ADGRB3: variants seen among roughly 807,000 people sequenced by gnomAD.
The protein encoded by ADGRB3 is adhesion G protein-coupled receptor B3.
In ADGRB3, 37 loss-of-function variants were observed where a neutral mutation model predicts 193.4. The observed-to-expected ratio is 0.19, with a 90% CI of 0.15 to 0.25. ADGRB3 has a LOEUF of 0.25. Ranked by LOEUF, ADGRB3 falls within the 10% of genes least tolerant of loss-of-function variation. The pLI, the probability that ADGRB3 is intolerant of heterozygous loss-of-function variation, is 1.00. For missense variants in ADGRB3, 1,637 were observed against 1,852.9 expected, an observed-to-expected ratio of 0.88 and a Z score of 2.14; for synonymous variants, 690 against 644.2, an observed-to-expected ratio of 1.07 and a Z score of -1.08.
rs1250400781 is a variant in ADGRB3, at chr6:69,288,033, CA to C, written c.2815-36838del. Among the ~76,000 whole-genome samples the C allele has an allele frequency of 9.2e-5, 14 of 151,872 alleles. 1 individual carries two copies. Among genetic ancestry groups the C allele is most frequent in the Admixed American group, 2.6e-4 (4 of 15,238 alleles). The stretch of plus-strand genomic sequence containing the variant: ...CATGCAGTAGCAATAAAACTTGTTT[CA>C]TTTTTTTTTTGACACTAATTTTTTT... On this transcript the variant is annotated intron_variant, in intron 20 of 31. Transcript: ENST00000370598.
intron 20 of ADGRB3, among the ~76,000 whole-genome samples, chr6:69,253,341 C>A (rs1375530683): frequency 6.6e-6 from 1 of 151,918 alleles, no homozygotes; most frequent in African/African-American, 2.4e-5. Flanking sequence ...CAATTTTATA[C>A]AAAAAAGTGT....
intron 3 of ADGRB3, among the ~76,000 whole-genome samples, chr6:68,715,727 T>C (rs1048203998): frequency 3.3e-5 from 5 of 151,894 alleles, no homozygotes; most frequent in African/African-American, 1.2e-4. Context: ...TATCCTAACT[T>C]TATAAATCAG....
chr6:69,316,801 C>A (rs1768322164), intron 20 of ADGRB3, among the ~76,000 whole-genome samples: 1 of 151,352 alleles, frequency 6.6e-6, no homozygotes, highest in Non-Finnish European at 1.5e-5. Flanking sequence ...AGAAGTTTGA[C>A]CACAATTGGA....
At chr6:68,766,183 CTTAA>C (rs1766505204) in intron 3 of ADGRB3, among the ~76,000 whole-genome samples, 1 of 151,884 alleles carries the variant, frequency 6.6e-6, no homozygotes, top group African/African-American at 2.4e-5. Flanking sequence ...ATGTATTTCT[CTTAA>C]TTGTTACTTT....
intron 3 of ADGRB3, among the ~76,000 whole-genome samples, chr6:68,727,046 T>C (rs1436206197): frequency 1.3e-5 from 2 of 151,604 alleles, no homozygotes; most frequent in African/African-American, 2.4e-5. Flanking sequence ...CCAGGTTACC[T>C]TAAGTCCTCT....
intron 10 of ADGRB3, among the ~76,000 whole-genome samples, chr6:68,993,409 A>G (rs548727045): frequency 3.9e-5 from 6 of 152,298 alleles, no homozygotes; most frequent in Non-Finnish European, 7.4e-5. Flanking sequence ...CCCATCTCTG[A>G]TCACACCTTA....
intron 17 of ADGRB3, among the ~76,000 whole-genome samples, chr6:69,129,304 G>A (rs1773939815): frequency 1.3e-5 from 2 of 152,106 alleles, no homozygotes; most frequent in South Asian, 2.1e-4. Context: ...CCTATGGAAT[G>A]CACTGGAGCT....
In ADGRB3 at chr6:69,233,296, G is replaced by A. The variant is rs759668671; in HGVS notation, c.2487G>A (p.Glu829=). ...CVLWDDSKTN[E]SLGTWSTQGC... ...CCCTCACTCCCCTTTGCAGGAACGA[G>A]TCTTTGGGAACGTGGTCCACCCAGG... The change falls in exon 18 of 32, where the codon GAG becomes GAA. Residue 829 remains glutamate (E), a synonymous_variant. Transcript: ENST00000370598. 1.2e-6 allele frequency: 2 copies of A among 1,613,652 alleles called. No individual in the cohort carries two copies. The highest frequency in any genetic ancestry group is 2.2e-5 in the South Asian group (2 of 91,026).
chr6:69,254,321 G>A (rs1267760661), intron 20 of ADGRB3, among the ~76,000 whole-genome samples: 4 of 152,178 alleles, frequency 2.6e-5, no homozygotes, highest in Middle Eastern at 3.4e-3. Flanking sequence ...TATTCAAGAC[G>A]TAAAATAAGA....
intron 3 of ADGRB3, among the ~76,000 whole-genome samples, chr6:68,657,367 A>T (rs1768514032): frequency 6.6e-6 from 1 of 151,472 alleles, no homozygotes; most frequent in African/African-American, 2.4e-5. Context: ...CTAAGAATTA[A>T]ATGTATTAGT....
intron 20 of ADGRB3, among the ~76,000 whole-genome samples, chr6:69,281,386 G>A (rs1767433005): frequency 6.6e-6 from 1 of 152,184 alleles, no homozygotes; most frequent in Non-Finnish European, 1.5e-5. Context: ...GACTAAGTAG[G>A]AAGCTGGAGG....
At chr6:68,851,793 G>T (rs905601979) in intron 3 of ADGRB3, among the ~76,000 whole-genome samples, 1 of 151,670 alleles carries the variant, frequency 6.6e-6, no homozygotes, top group Non-Finnish European at 1.5e-5. Flanking sequence ...ATATATTCCT[G>T]AACTACTTTT....
intron 30 of ADGRB3, among the ~76,000 whole-genome samples, chr6:69,373,738 A>G (rs1769754744): frequency 6.6e-6 from 1 of 152,186 alleles, no homozygotes; most frequent in South Asian, 2.1e-4. Context: ...CAGACTGTAT[A>G]TATTCATGTC....
intron 13 of ADGRB3, 49 bp from the exon 14 acceptor site, chr6:69,048,136 C>T: frequency 6.4e-7 from 1 of 1,570,430 alleles, no homozygotes; most frequent in African/African-American, 1.4e-5. Context: ...ACTGATTACA[C>T]TAAAATGTAA....
chr6:68,817,991 G>C (rs895960659), intron 3 of ADGRB3, among the ~76,000 whole-genome samples: 1 of 151,934 alleles, frequency 6.6e-6, no homozygotes, highest in African/African-American at 2.4e-5. Context: ...GTAAGTTGTG[G>C]TGAAATGGGA....
At chr6:68,910,128 G>C (rs1562082039) in intron 3 of ADGRB3, among the ~76,000 whole-genome samples, 1 of 152,088 alleles carries the variant, frequency 6.6e-6, no homozygotes, top group Non-Finnish European at 1.5e-5. Context: ...TCTCATTGTG[G>C]TTTTGATTTG....
intron 21 of ADGRB3, among the ~76,000 whole-genome samples, chr6:69,327,057 A>G (rs538253524): frequency 1.8e-4 from 28 of 152,124 alleles, no homozygotes; most frequent in Non-Finnish European, 2.6e-4. Context: ...GAAGACAGAC[A>G]GAGGACATAC....
intron 3 of ADGRB3, among the ~76,000 whole-genome samples, chr6:68,749,993 A>G (rs908885551): frequency 1.3e-5 from 2 of 152,190 alleles, no homozygotes; most frequent in African/African-American, 4.8e-5. Flanking sequence ...TATGTTAATC[A>G]GAATATTTAG....
chr6:68,834,775 A>C (rs1282652425), intron 3 of ADGRB3, among the ~76,000 whole-genome samples: 1 of 152,182 alleles, frequency 6.6e-6, no homozygotes, highest in Non-Finnish European at 1.5e-5. Flanking sequence ...TGAGTCACTA[A>C]AGCAAGAAAG....
Sources: gnomAD v4.1 joint callset for allele counts (sites outside exome capture counted in the v4.1 genomes callset) on GRCh38, gnomAD v4.1.1 for gene constraint, MANE v1.5 for transcripts, NCBI Gene and HGNC (gene_info 2026-07-23, HGNC 2026-07-21) for gene names.